SEMA5A: variants seen among roughly 807,000 people sequenced by gnomAD.
The protein encoded by SEMA5A is semaphorin 5A.
In SEMA5A, 55 loss-of-function variants were observed where a neutral mutation model predicts 135.5. The ratio of observed to expected loss-of-function variants is 0.41; its 90% CI spans 0.33 to 0.51. The LOEUF (loss-of-function observed/expected upper bound fraction) is 0.51, where lower values mean the gene tolerates loss of function less well. SEMA5A is among the 20% of genes least tolerant of loss of function. SEMA5A has a pLI of 0.37. For missense variants in SEMA5A, 1,290 were observed against 1,419.9 expected, an observed-to-expected ratio of 0.91 and a Z score of 1.47; for synonymous variants, 580 against 546.5, an observed-to-expected ratio of 1.06 and a Z score of -0.85.
intron 17 of SEMA5A, among the ~76,000 whole-genome samples, chr5:9,064,405 G>A (rs56254008): frequency 0.023 from 3,448 of 152,282 alleles, 53 homozygotes; most frequent in Non-Finnish European, 0.034. Flanking sequence ...AATGCCCATT[G>A]ATGATAGACT....
intron 2 of SEMA5A, among the ~76,000 whole-genome samples, chr5:9,433,224 T>C (rs1757917386): frequency 6.6e-6 from 1 of 152,174 alleles, no homozygotes; most frequent in East Asian, 1.9e-4. Flanking sequence ...TAAATATCTG[T>C]TCCTGAATTA....
intron 11 of SEMA5A, among the ~76,000 whole-genome samples, chr5:9,155,416 C>A (rs1269139791): frequency 1.3e-5 from 2 of 151,092 alleles, no homozygotes; most frequent in Non-Finnish European, 1.5e-5. Flanking sequence ...GGGTGAGCGG[C>A]CCCTGAGCCA....
At chr5:9,319,751 T>G (rs527580662) in intron 4 of SEMA5A, among the ~76,000 whole-genome samples, 1 of 149,226 alleles carries the variant, frequency 6.7e-6, no homozygotes, top group African/African-American at 2.5e-5. Context: ...GCTGTTATAA[T>G]GGGCTGGTCC....
intron 16 of SEMA5A, among the ~76,000 whole-genome samples, chr5:9,090,384 G>T (rs1443201787): frequency 6.6e-6 from 1 of 152,198 alleles, no homozygotes; most frequent in Non-Finnish European, 1.5e-5. Flanking sequence ...TCCATCTGCT[G>T]ATAGCTCTTT....
chr5:9,222,851 T>C (rs928379361), intron 8 of SEMA5A, among the ~76,000 whole-genome samples: 3 of 152,230 alleles, frequency 2.0e-5, no homozygotes, highest in African/African-American at 7.2e-5. Flanking sequence ...CAGTCACATG[T>C]AAGAAGGCAG....
At chr5:9,397,927 C>G (rs1007212312) in intron 2 of SEMA5A, among the ~76,000 whole-genome samples, 1 of 152,178 alleles carries the variant, frequency 6.6e-6, no homozygotes, top group Non-Finnish European at 1.5e-5. Context: ...ACCATCCAAA[C>G]AGCCTCATCC....
intron 5 of SEMA5A, among the ~76,000 whole-genome samples, chr5:9,259,672 T>C (rs1749295568): frequency 1.3e-5 from 2 of 149,978 alleles, no homozygotes; most frequent in South Asian, 4.3e-4. Context: ...AAGGCAGAAA[T>C]AAAGATGTTC....
chr5:9,516,870 TCTTA>T (rs1284303056), intron 1 of SEMA5A: 2 of 152,206 alleles, frequency 1.3e-5, no homozygotes, highest in East Asian at 1.9e-4. Context: ...CCATGGTCAT[TCTTA>T]CTTAAAGAAC....
chr5:9,249,437 A>G (rs1748658861), intron 5 of SEMA5A, among the ~76,000 whole-genome samples: 1 of 152,188 alleles, frequency 6.6e-6, no homozygotes, highest in Non-Finnish European at 1.5e-5. Context: ...ATCTAGCTGA[A>G]GATGGTATTT....
intron 9 of SEMA5A, among the ~76,000 whole-genome samples, chr5:9,198,906 A>G (rs1396637613): frequency 6.6e-6 from 1 of 152,096 alleles, no homozygotes; most frequent in African/African-American, 2.4e-5. Flanking sequence ...ACGAATAATA[A>G]CAATATTTCC....
intron 5 of SEMA5A, among the ~76,000 whole-genome samples, chr5:9,309,618 A>G (rs1017057838): frequency 6.6e-6 from 1 of 152,110 alleles, no homozygotes; most frequent in African/African-American, 2.4e-5. Flanking sequence ...CCTGAACGGC[A>G]GCATGGAACC....
At chr5:9,380,864 G>A (rs377403513) in intron 2 of SEMA5A, among the ~76,000 whole-genome samples, 1 of 151,966 alleles carries the variant, frequency 6.6e-6, no homozygotes, top group East Asian at 1.9e-4. Context: ...CCATGCAGGG[G>A]CTCAAATCTG....
At chr5:9,267,999 T>C (rs1446067961) in intron 5 of SEMA5A, among the ~76,000 whole-genome samples, 1 of 152,152 alleles carries the variant, frequency 6.6e-6, no homozygotes, top group Non-Finnish European at 1.5e-5. Context: ...TCCTGTATCA[T>C]AATAATATAA....
chr5:9,050,018 TTAAC>T (rs1736478763), intron 21 of SEMA5A, among the ~76,000 whole-genome samples: 1 of 152,182 alleles, frequency 6.6e-6, no homozygotes, highest in Admixed American at 6.5e-5. Context: ...ACTCATGAAA[TTAAC>T]TATAGTGAAT....
intron 4 of SEMA5A, among the ~76,000 whole-genome samples, chr5:9,334,036 T>C (rs1288574941): frequency 2.6e-5 from 4 of 152,130 alleles, no homozygotes; most frequent in African/African-American, 2.4e-5. Context: ...TCCAAGTACC[T>C]TCCGATTCTC....
chr5:9,420,792 G>A (rs1429894243), intron 2 of SEMA5A, among the ~76,000 whole-genome samples: 1 of 151,984 alleles, frequency 6.6e-6, no homozygotes, highest in Non-Finnish European at 1.5e-5. Flanking sequence ...AATCAGGTAG[G>A]TCACAAGGTC....
chr5:9,492,089 A>G (rs1735042386), intron 1 of SEMA5A, among the ~76,000 whole-genome samples: 1 of 152,214 alleles, frequency 6.6e-6, no homozygotes, highest in South Asian at 2.1e-4. Flanking sequence ...TGTATGACAC[A>G]TTCTTCTTGG....
chr5:9,186,801 TTA>T (rs1003387847), intron 11 of SEMA5A, among the ~76,000 whole-genome samples: 5 of 152,216 alleles, frequency 3.3e-5, no homozygotes, highest in African/African-American at 1.2e-4. Context: ...ACCTAAAATA[TTA>T]TGTTTTCTTT....
chr5:9,344,755 A>G lies in SEMA5A; in HGVS notation c.125-6943T>C, dbSNP rs551519168. Among the ~76,000 whole-genome samples, 5 of 152,356 alleles carry G rather than the reference A, an allele frequency of 3.3e-5. No homozygotes were observed. In the South Asian group the frequency reaches 1.0e-3, roughly 32 times the overall value. ...TACTTTTGCTTTGTAGAAAGGTTGG[A>G]AAATATGAGGCCAATTTTTTATCTC... On this transcript the variant is annotated intron_variant, in intron 3 of 22. Transcript: ENST00000382496.
Sources: allele counts gnomAD v4.1 joint callset (sites outside exome capture counted in the v4.1 genomes callset), GRCh38; gene constraint gnomAD v4.1.1; transcripts MANE v1.5; gene names NCBI Gene and HGNC (gene_info 2026-07-23, HGNC 2026-07-21).